DLGAP2: variants seen among roughly 807,000 people sequenced by gnomAD.
DLGAP2 encodes DLG associated protein 2.
In DLGAP2, 26 loss-of-function variants were observed where a neutral mutation model predicts 100.3. The observed-to-expected ratio is 0.26, with a 90% confidence interval of 0.19 to 0.36. DLGAP2 has a LOEUF of 0.36. DLGAP2 is among the 10% of genes least tolerant of loss of function. The pLI, the probability that DLGAP2 is intolerant of heterozygous loss-of-function variation, is 1.00. For missense variants in DLGAP2, 1,858 were observed against 1,453.2 expected, an observed-to-expected ratio of 1.28 and a Z score of -4.53; for synonymous variants, 886 against 630.1, an observed-to-expected ratio of 1.41 and a Z score of -6.08.
intron 1 of DLGAP2, among the ~76,000 whole-genome samples, chr8:838,278 C>T (rs1336103925): frequency 1.3e-5 from 2 of 152,098 alleles, no homozygotes; most frequent in African/African-American, 2.4e-5. Context: ...TTCAGCATAA[C>T]GACTTCATTG....
At chr8:1,308,202 G>T (rs1410057990) in intron 3 of DLGAP2, among the ~76,000 whole-genome samples, 1 of 152,178 alleles carries the variant, frequency 6.6e-6, no homozygotes, top group Non-Finnish European at 1.5e-5. Flanking sequence ...TGCAGAGAAT[G>T]GGAAAGGTGT....
At chr8:1,241,203 CAT>C (rs1563274519) in intron 2 of DLGAP2, among the ~76,000 whole-genome samples, 3 of 51,222 alleles carry the variant, frequency 5.9e-5, no homozygotes, top group South Asian at 5.0e-4. Context: ...CACATGGAGC[CAT>C]GTCTAATTCT....
At chr8:1,663,276 C>T (rs575494633) in intron 8 of DLGAP2, among the ~76,000 whole-genome samples, 1 of 152,116 alleles carries the variant, frequency 6.6e-6, no homozygotes, top group East Asian at 1.9e-4. Context: ...ACTTTTCTTT[C>T]TCATACTGAA....
chr8:1,498,291 C>A (rs1012314532), intron 3 of DLGAP2, among the ~76,000 whole-genome samples: 9 of 151,824 alleles, frequency 5.9e-5, no homozygotes, highest in Non-Finnish European at 1.3e-4. Flanking sequence ...TCAATTCTCT[C>A]CTGGATCTGG....
intron 6 of DLGAP2, among the ~76,000 whole-genome samples, chr8:1,578,116 C>T (rs892331540): frequency 6.6e-6 from 1 of 152,140 alleles, no homozygotes; most frequent in Non-Finnish European, 1.5e-5. Flanking sequence ...GTGTTTTTCT[C>T]TTTTTTGCAC....
At chr8:996,725 T>C (rs768098227) in intron 2 of DLGAP2, among the ~76,000 whole-genome samples, 7 of 152,218 alleles carry the variant, frequency 4.6e-5, no homozygotes, top group Non-Finnish European at 7.3e-5. Flanking sequence ...CACTGTTTAA[T>C]ACTCAGTTCT....
intron 6 of DLGAP2, among the ~76,000 whole-genome samples, chr8:1,594,154 T>C (rs1384701698): frequency 6.6e-6 from 1 of 152,108 alleles, no homozygotes; most frequent in Non-Finnish European, 1.5e-5. Context: ...GGTCTTCTCA[T>C]GTATAAGACA....
At chr8:1,496,546 G>C (rs763210211) in intron 3 of DLGAP2, among the ~76,000 whole-genome samples, 3 of 152,114 alleles carry the variant, frequency 2.0e-5, no homozygotes, top group Admixed American at 6.5e-5. Flanking sequence ...TTGTGACATT[G>C]AGACGACTCA....
At chr8:1,157,788 A>G (rs931122174) in intron 2 of DLGAP2, among the ~76,000 whole-genome samples, 2 of 152,198 alleles carry the variant, frequency 1.3e-5, no homozygotes, top group Non-Finnish European at 2.9e-5. Flanking sequence ...TTTTCAACAC[A>G]AGGTCATCCT....
intron 2 of DLGAP2, among the ~76,000 whole-genome samples, chr8:930,556 A>G (rs1389662471): frequency 6.6e-6 from 1 of 152,216 alleles, no homozygotes; most frequent in Admixed American, 6.5e-5. Flanking sequence ...AGACAGAGAT[A>G]TTCTAGTTAG....
At chr8:1,574,587 G>A (rs1267225405) in intron 6 of DLGAP2, among the ~76,000 whole-genome samples, 3 of 152,116 alleles carry the variant, frequency 2.0e-5, no homozygotes, top group Admixed American at 1.3e-4. Context: ...CAATACCATC[G>A]AGCAAGCACA....
chr8:888,600 C>G (rs113333126), intron 1 of DLGAP2, among the ~76,000 whole-genome samples: 4 of 147,088 alleles, frequency 2.7e-5, no homozygotes, highest in South Asian at 2.2e-4. Context: ...TTGTCACTTT[C>G]TGCTTTTTTT....
chr8:1,663,299 T>C (rs1292055837), intron 8 of DLGAP2, among the ~76,000 whole-genome samples: 2 of 151,802 alleles, frequency 1.3e-5, no homozygotes, highest in Admixed American at 6.6e-5. Flanking sequence ...AATGAAGGGG[T>C]GGTGGCAAGT....
At chr8:1,439,007 T>G (rs1373051837) in intron 3 of DLGAP2, among the ~76,000 whole-genome samples, 1 of 152,156 alleles carries the variant, frequency 6.6e-6, no homozygotes, top group Non-Finnish European at 1.5e-5. Flanking sequence ...GAAACAAAGC[T>G]TATGTTTTAT....
chr8:846,838 C>T (rs1477502126), intron 1 of DLGAP2, among the ~76,000 whole-genome samples: 1 of 152,152 alleles, frequency 6.6e-6, no homozygotes, highest in Non-Finnish European at 1.5e-5. Flanking sequence ...TTCTGGTTTG[C>T]ATTTTCCCAG....
chr8:1,463,824 C>T (rs1270387510), intron 3 of DLGAP2, among the ~76,000 whole-genome samples: 1 of 152,170 alleles, frequency 6.6e-6, no homozygotes, highest in African/African-American at 2.4e-5. Context: ...GCTGTGGAGG[C>T]GATGGTGTGG....
In DLGAP2 at chr8:1,342,123, C is replaced by T. The variant is rs905849560; in HGVS notation, c.106+83240C>T. ...GTGCCCCTACCCCCAGCTGATTTTTCTGTACAGATGGGGTTTTACCATGTT... is the reference window on the plus strand; with the variant it reads ...GTGCCCCTACCCCCAGCTGATTTTTTTGTACAGATGGGGTTTTACCATGTT... On this transcript the variant is annotated intron_variant, in intron 3 of 14. Coordinates refer to ENST00000637795, the MANE Select transcript of DLGAP2 (RefSeq NM_001346810.2). Among the ~76,000 whole-genome samples, 7 of 151,926 alleles carry T rather than the reference C, an allele frequency of 4.6e-5. 1 individual carries two copies. Among genetic ancestry groups the T allele is most frequent in the African/African-American group, 1.7e-4 (7 of 41,340 alleles).
chr8:1,063,823 C>G (rs543739869), intron 2 of DLGAP2, among the ~76,000 whole-genome samples: 43 of 152,284 alleles, frequency 2.8e-4, no homozygotes, highest in African/African-American at 1.0e-3. Flanking sequence ...CGGTGCCTCT[C>G]CACACGGAGG....
chr8:1,186,430 A>G (rs534660066), intron 2 of DLGAP2, among the ~76,000 whole-genome samples: 1 of 152,202 alleles, frequency 6.6e-6, no homozygotes, highest in East Asian at 1.9e-4. Flanking sequence ...CCTCCTCTCC[A>G]GCCCGCTGTG....
Sources: allele counts gnomAD v4.1 joint callset (sites outside exome capture counted in the v4.1 genomes callset), GRCh38; gene constraint gnomAD v4.1.1; transcripts MANE v1.5; gene names NCBI Gene and HGNC (gene_info 2026-07-23, HGNC 2026-07-21).